Variants in EYS observed in about 807,000 individuals in gnomAD.
EYS encodes the protein protein eyes shut homolog.
Under a neutral mutation model 282.1 loss-of-function variants are expected in EYS, and 250 were observed. The ratio of observed to expected loss-of-function variants is 0.89; its 90% CI spans 0.80 to 0.98. EYS has a LOEUF of 0.98. EYS is among the 50% of genes least tolerant of loss of function. The pLI is 0.00. For missense variants in EYS, 4,016 were observed against 3,709.0 expected (o/e 1.08, Z -2.15); for synonymous variants, 1,355 against 1,282.9 (o/e 1.06, Z -1.20).
intron 19 of EYS, among the ~76,000 whole-genome samples, chr6:64,828,507 G>C (rs1765124862): frequency 6.6e-6 from 1 of 151,944 alleles, no homozygotes; most frequent in Non-Finnish European, 1.5e-5. Context: ...AGTAGTGCCA[G>C]AGGAAGAATC....
chr6:64,536,080 A>G (rs2050620), intron 26 of EYS, among the ~76,000 whole-genome samples: 25,897 of 152,026 alleles, frequency 0.17, 2,573 homozygotes, highest in African/African-American at 0.27. Flanking sequence ...ATGTTATTAA[A>G]CATAATTTTA....
At chr6:65,490,889 T>G (rs1244901147) in intron 4 of EYS, among the ~76,000 whole-genome samples, 182 bp from the exon 5 acceptor site, 1 of 152,062 alleles carries the variant, frequency 6.6e-6, no homozygotes, top group Non-Finnish European at 1.5e-5. Flanking sequence ...TTTACATAAG[T>G]TTTTCATCTT....
At chr6:64,486,802 C>A (rs1192478800) in intron 26 of EYS, among the ~76,000 whole-genome samples, 1 of 151,260 alleles carries the variant, frequency 6.6e-6, no homozygotes, top group Non-Finnish European at 1.5e-5. Flanking sequence ...GCTTAATGAA[C>A]TTTGGAAGGC....
intron 33 of EYS, among the ~76,000 whole-genome samples, chr6:64,018,111 T>A (rs757508174): frequency 6.6e-6 from 1 of 151,934 alleles, no homozygotes; most frequent in East Asian, 1.9e-4. Flanking sequence ...TACACACTTA[T>A]ACACACACAC....
At chr6:64,200,812 T>A (rs1207408715) in intron 31 of EYS, among the ~76,000 whole-genome samples, 1 of 152,122 alleles carries the variant, frequency 6.6e-6, no homozygotes, top group Admixed American at 6.5e-5. Context: ...CTCAAAATTA[T>A]ATAAACATTA....
intron 1 of EYS, among the ~76,000 whole-genome samples, chr6:65,648,350 GTA>G (rs946776146): frequency 2.0e-5 from 3 of 146,878 alleles, no homozygotes; most frequent in Admixed American, 6.7e-5. Context: ...GTGTGTGTGT[GTA>G]TACCATAGAA....
chr6:63,730,265 T>C (rs1212423465), intron 41 of EYS, among the ~76,000 whole-genome samples: 3 of 152,224 alleles, frequency 2.0e-5, no homozygotes, highest in African/African-American at 4.8e-5. Context: ...GATTAGACCA[T>C]TGCAATGTAC....
At chr6:63,951,134 A>G (rs539455490) in intron 35 of EYS, among the ~76,000 whole-genome samples, 10 of 151,944 alleles carry the variant, frequency 6.6e-5, no homozygotes, top group Non-Finnish European at 1.2e-4. Context: ...CTCCTTCACT[A>G]TAGGCAACCT....
rs913637506 is a variant in EYS, at chr6:64,894,279, G to A, written c.2847-7437C>T. Among the ~76,000 whole-genome samples, 13 of 151,988 alleles carry A rather than the reference G, an allele frequency of 8.6e-5. No homozygotes were observed. In the East Asian group the frequency reaches 9.6e-4, roughly 11 times the overall value. ...GGATGTTGCCATGGAATTGGGTTTC[G>A]TGATGTTAATTACAATAGATCTAAG... is the stretch of plus-strand genomic sequence containing the variant. On this transcript the variant is annotated intron_variant, in intron 18 of 42. Coordinates refer to ENST00000503581, the MANE Select transcript of EYS (RefSeq NM_001142800.2).
intron 24 of EYS, among the ~76,000 whole-genome samples, chr6:64,606,088 T>C (rs1004874655): frequency 2.6e-4 from 39 of 152,004 alleles, no homozygotes; most frequent in African/African-American, 8.7e-4. Context: ...TTGTTTTGCA[T>C]GTTGTATCTC....
intron 2 of EYS, among the ~76,000 whole-genome samples, chr6:65,575,054 G>A (rs992882812): frequency 6.6e-6 from 1 of 152,106 alleles, no homozygotes; most frequent in South Asian, 2.1e-4. Context: ...GGACGTGGTG[G>A]CTCACGCCTA....
rs564186806 is a variant in EYS at position 65,190,924 on chromosome 6, G to C, written c.2023+104939C>G. 2.0e-5 allele frequency among the ~76,000 whole-genome samples: 3 copies of C among 151,880 alleles called. No individual in the cohort carries two copies. The South Asian group carries it at 6.2e-4, about 31-fold the overall frequency. On this transcript the variant is annotated intron_variant, in intron 12 of 42. Coordinates refer to ENST00000503581, the MANE Select transcript of EYS (RefSeq NM_001142800.2). ...AGGAACTTTCCTATGTACTCTGTAGGATGCGAATGAGGGACTGTAAAAGTG... is the reference window on the plus strand; with the variant it reads ...AGGAACTTTCCTATGTACTCTGTAGCATGCGAATGAGGGACTGTAAAAGTG...
At position 64,695,580 on chromosome 6, in the gene EYS, C is replaced by T. The variant is rs952323492; in HGVS notation, c.3444-69335G>A. 4.7e-5 allele frequency among the ~76,000 whole-genome samples: 6 copies of T among 128,824 alleles called. No homozygotes were observed. In the East Asian group the frequency reaches 1.1e-3, roughly 23 times the overall value. 84.5% of individuals were successfully genotyped at this position (128,824 alleles called of 152,430 possible). ...AATGCCAAATAATCATACTTTTTTT[C>T]TTTTAACTTTTTTTTTTTTTTTGAG... On this transcript the variant is annotated intron_variant, in intron 22 of 42. Transcript: ENST00000503581.
chr6:65,036,260 G>C (rs993375993), intron 13 of EYS, among the ~76,000 whole-genome samples: 10 of 151,868 alleles, frequency 6.6e-5, no homozygotes, highest in Non-Finnish European at 5.9e-5. Flanking sequence ...ACGGTGCTGA[G>C]ATAACTAGCT....
intron 28 of EYS, among the ~76,000 whole-genome samples, chr6:64,435,077 C>A (rs966024812): frequency 2.4e-4 from 37 of 152,006 alleles, no homozygotes; most frequent in African/African-American, 8.4e-4. Flanking sequence ...CTGCCCCCAG[C>A]ATTTGTTATT....
chr6:65,672,291 GA>G (rs1457907303), intron 1 of EYS, among the ~76,000 whole-genome samples: 1 of 152,060 alleles, frequency 6.6e-6, no homozygotes, highest in African/African-American at 2.4e-5. Flanking sequence ...GGCCAATGAG[GA>G]GAAAAAGAAA....
chr6:64,517,662 A>G (rs9342308), intron 26 of EYS, among the ~76,000 whole-genome samples: 53,473 of 151,530 alleles, frequency 0.35, 9,491 homozygotes, highest in East Asian at 0.47. Context: ...CTTCATGTTC[A>G]TGTGAGGCAT....
chr6:64,936,802 C>T (rs1056160765), intron 15 of EYS, among the ~76,000 whole-genome samples: 10 of 151,238 alleles, frequency 6.6e-5, no homozygotes, highest in Non-Finnish European at 1.3e-4. Flanking sequence ...GTTATGGCTG[C>T]CATTTTCTTC....
intron 22 of EYS, among the ~76,000 whole-genome samples, chr6:64,726,906 A>G (rs904505443): frequency 2.0e-5 from 3 of 152,214 alleles, no homozygotes; most frequent in Non-Finnish European, 4.4e-5. Flanking sequence ...ACAATGAATA[A>G]CATGCACTTA....
Sources: allele counts gnomAD v4.1 joint callset (sites outside exome capture counted in the v4.1 genomes callset), GRCh38; gene constraint gnomAD v4.1.1; transcripts MANE v1.5; gene names NCBI Gene and HGNC (gene_info 2026-07-23, HGNC 2026-07-21).